CRB1: variants seen among roughly 807,000 people sequenced by gnomAD.
CRB1 encodes crumbs cell polarity complex component 1, also known as protein crumbs homolog 1.
A neutral mutation model predicts 120.0 loss-of-function variants in CRB1; 83 were observed. The observed-to-expected ratio is 0.69, with a 90% CI of 0.58 to 0.83. The LOEUF is 0.83. Ranked by LOEUF, CRB1 falls within the 40% of genes least tolerant of loss-of-function variation. The probability of loss-of-function intolerance (pLI) is 0.00; values close to 1 mark genes in which losing one functional copy is unlikely to be tolerated. For synonymous variants in CRB1, 625 were observed against 612.5 expected, an observed-to-expected ratio of 1.02 and a Z score of -0.30; for missense variants, 1,699 against 1,687.6, an observed-to-expected ratio of 1.01 and a Z score of -0.12.
intron 2 of CRB1, among the ~76,000 whole-genome samples, chr1:197,339,576 A>G (rs1407616775): frequency 2.0e-5 from 3 of 152,230 alleles, no homozygotes; most frequent in Non-Finnish European, 4.4e-5. Flanking sequence ...ATAATGAGAA[A>G]GGCATTCAGA....
At chr1:197,416,830 C>T (rs1027669202) in intron 5 of CRB1, among the ~76,000 whole-genome samples, 1 of 152,096 alleles carries the variant, frequency 6.6e-6, no homozygotes, top group African/African-American at 2.4e-5. Context: ...CCACCTCAGC[C>T]TCTTGAGTAG....
At chr1:197,438,904 A>G (rs930252764) in intron 10 of CRB1, 25 of 447,442 alleles carry the variant, frequency 5.6e-5, no homozygotes, top group East Asian at 2.3e-4. Flanking sequence ...AATGATTTTT[A>G]AAAAATGTAT....
the CRB1 span, among the ~76,000 whole-genome samples, chr1:197,201,506 A>G: frequency 1.3e-5 from 2 of 151,222 alleles, no homozygotes; most frequent in African/African-American, 2.4e-5. Flanking sequence ...AGTTCCCCGT[A>G]CTCCCTCGGA....
chr1:197,316,730 G>A (rs1558049117), intron 1 of CRB1, among the ~76,000 whole-genome samples: 1 of 152,080 alleles, frequency 6.6e-6, no homozygotes, highest in Non-Finnish European at 1.5e-5. Flanking sequence ...GTTTAGAGAT[G>A]CCATGATATT....
At chr1:197,411,824 C>A (rs1329723915) in intron 5 of CRB1, among the ~76,000 whole-genome samples, 2 of 152,118 alleles carry the variant, frequency 1.3e-5, no homozygotes, top group Non-Finnish European at 1.5e-5. Flanking sequence ...TTTACATAGG[C>A]AAACTTCTGT....
chr1:197,347,243 A>G lies in CRB1; in HGVS notation c.849-97A>G, dbSNP rs189235074. 1.4e-3 allele frequency: 1,468 copies of G among 1,083,722 alleles called. 4 individuals are homozygous for G. The highest frequency in any genetic ancestry group is 1.2e-3 in the Non-Finnish European group (867 of 701,392). The allele number at this position is 1,083,722 out of a possible 1,614,324, so 67.1% of individuals were successfully genotyped here. ...GTTTTTGAGGTAGTAAGATGATGCC[A>G]TGGGTCTTGGGTTGATAGACAGTTG... On this transcript the variant is annotated intron_variant, in intron 3 of 11. Transcript: ENST00000367400.
At chr1:197,386,361 C>G (rs1157843870) in intron 5 of CRB1, among the ~76,000 whole-genome samples, 2 of 152,230 alleles carry the variant, frequency 1.3e-5, no homozygotes, top group East Asian at 3.9e-4. Flanking sequence ...TCTTATCATA[C>G]TCTTTAAGAT....
intron 3 of CRB1, among the ~76,000 whole-genome samples, chr1:197,345,992 A>G (rs1194657333): frequency 1.3e-5 from 2 of 152,172 alleles, no homozygotes; most frequent in Non-Finnish European, 2.9e-5. Context: ...AAGTTTCCAC[A>G]CAAGGCCTCC....
At chr1:197,438,808 C>A in intron 10 of CRB1, 133 bp downstream of exon 10, 3 of 1,130,568 alleles carry the variant, frequency 2.7e-6, no homozygotes, top group South Asian at 1.5e-5. Context: ...GAGGTTCAGA[C>A]AGAATGAAAC....
chr1:197,309,619 T>G (rs1435115037), intron 1 of CRB1, among the ~76,000 whole-genome samples: 2 of 152,036 alleles, frequency 1.3e-5, no homozygotes, highest in Non-Finnish European at 1.5e-5. Context: ...CTGGGCGTGG[T>G]GGCAGGCGCC....
At chr1:197,257,043 A>T in the CRB1 span, among the ~76,000 whole-genome samples, 1 of 151,836 alleles carries the variant, frequency 6.6e-6, no homozygotes, top group Admixed American at 6.6e-5. Flanking sequence ...CAGAAAAGCC[A>T]AAGTGGTGTA....
chr1:197,426,150 A>G (rs552483243), intron 6 of CRB1, among the ~76,000 whole-genome samples: 55 of 152,016 alleles, frequency 3.6e-4, no homozygotes, highest in African/African-American at 1.3e-3. Context: ...CTTAGGCCCA[A>G]AGCCTTAGAG....
intron 5 of CRB1, among the ~76,000 whole-genome samples, chr1:197,407,207 G>T (rs546647687): frequency 6.6e-6 from 1 of 152,284 alleles, no homozygotes; most frequent in East Asian, 1.9e-4. Flanking sequence ...ATTTCTTGTT[G>T]CATATTTAAG....
intron 8 of CRB1, among the ~76,000 whole-genome samples, chr1:197,433,108 A>G (rs1378523215): frequency 2.0e-5 from 3 of 150,112 alleles, no homozygotes; most frequent in Non-Finnish European, 4.4e-5. Flanking sequence ...GTTGCCCAGG[A>G]TAGTCTCAAA....
chr1:197,343,413 C>T (rs1659584088), intron 2 of CRB1, among the ~76,000 whole-genome samples: 1 of 152,070 alleles, frequency 6.6e-6, no homozygotes, highest in African/African-American at 2.4e-5. Context: ...ACTACTACAA[C>T]TTGTATAAAT....
intron 3 of CRB1, among the ~76,000 whole-genome samples, chr1:197,346,706 C>T (rs994166445): frequency 6.6e-6 from 1 of 152,174 alleles, no homozygotes; most frequent in Non-Finnish European, 1.5e-5. Context: ...CAACAACTTT[C>T]TTCATTAGAT....
Position 197,271,810 on chromosome 1 carries a change from T to C in CRB1, c.70+3328T>C, listed in dbSNP as rs571507790. ...ATGAATTAGAAAAGTAATGTCTATC[T>C]CTCTAGTCCTTTATAAATTTGGGGG... On this transcript the variant is annotated intron_variant, in intron 1 of 11. Coordinates refer to ENST00000367400, the MANE Select transcript of CRB1 (RefSeq NM_201253.3). 3.8e-3 allele frequency among the ~76,000 whole-genome samples: 564 copies of C among 146,862 alleles called. 5 individuals carry two copies. Among genetic ancestry groups the C allele is most frequent in the Middle Eastern group, 7.2e-3 (2 of 278 alleles).
chr1:197,252,582 ATGTGTGTGTGTG>A, the CRB1 span, among the ~76,000 whole-genome samples: 469 of 15,444 alleles, frequency 0.03, 21 homozygotes, highest in South Asian at 0.1. Flanking sequence ...ATATATATAT[ATGTGTGTGTGTG>A]TGTGTGTGTG....
At chr1:197,360,101 G>C (rs1275466059) in intron 5 of CRB1, among the ~76,000 whole-genome samples, 1 of 152,146 alleles carries the variant, frequency 6.6e-6, no homozygotes, top group Non-Finnish European at 1.5e-5. Context: ...TGTTGGGAAA[G>C]GCAGTATTGT....
Sources: allele counts gnomAD v4.1 joint callset (sites outside exome capture counted in the v4.1 genomes callset), GRCh38; gene constraint gnomAD v4.1.1; transcripts MANE v1.5; gene names NCBI Gene and HGNC (gene_info 2026-07-23, HGNC 2026-07-21).